Variants in VPS41 observed in about 807,000 individuals in gnomAD.
VPS41 encodes the protein vacuolar protein sorting-associated protein 41 homolog.
VPS41 carries 85 observed loss-of-function variants against 130.9 expected under a neutral mutation model. The observed-to-expected ratio is 0.65, with a 90% CI of 0.55 to 0.78. The LOEUF (loss-of-function observed/expected upper bound fraction) is 0.78, where lower values mean the gene tolerates loss of function less well. VPS41 is among the 30% of genes least tolerant of loss of function. The pLI is 0.00. For missense variants in VPS41, 874 were observed against 1,018.7 expected (o/e 0.86, Z 1.93); for synonymous variants, 335 against 332.9 (o/e 1.01, Z -0.07).
At chr7:38,755,447 T>G (rs950813422) in intron 19 of VPS41, among the ~76,000 whole-genome samples, 1 of 152,158 alleles carries the variant, frequency 6.6e-6, no homozygotes, top group Non-Finnish European at 1.5e-5. Context: ...CATAATGACA[T>G]AAAGCTTTTG....
chr7:38,759,360 G>A (rs748262965), intron 17 of VPS41, among the ~76,000 whole-genome samples: 2 of 152,180 alleles, frequency 1.3e-5, no homozygotes, highest in Admixed American at 1.3e-4. Flanking sequence ...TGTGTTGTGA[G>A]AGTATAGCAT....
intron 4 of VPS41, among the ~76,000 whole-genome samples, chr7:38,835,030 T>C (rs576657437): frequency 4.6e-4 from 70 of 152,158 alleles, no homozygotes; most frequent in African/African-American, 1.7e-3. Flanking sequence ...GGCTCTATTC[T>C]ATGAGTTTTA....
At chr7:38,851,601 G>A (rs1361970157) in intron 4 of VPS41, among the ~76,000 whole-genome samples, 4 of 152,130 alleles carry the variant, frequency 2.6e-5, no homozygotes, top group Non-Finnish European at 5.9e-5. Flanking sequence ...TCCAGTTTGG[G>A]ACTATTACAA....
chr7:38,751,219 G>T (rs1457205621), intron 22 of VPS41, among the ~76,000 whole-genome samples: 8 of 152,342 alleles, frequency 5.3e-5, no homozygotes, highest in African/African-American at 1.7e-4. Flanking sequence ...CACGGAAGTT[G>T]TAAGTGTACA....
At chr7:38,768,577 T>C (rs1460070868) in intron 14 of VPS41, among the ~76,000 whole-genome samples, 1 of 152,216 alleles carries the variant, frequency 6.6e-6, no homozygotes, top group Non-Finnish European at 1.5e-5. Flanking sequence ...ATTTTTACTT[T>C]AATAACTACT....
intron 4 of VPS41, among the ~76,000 whole-genome samples, chr7:38,850,803 T>C (rs1785837908): frequency 6.6e-6 from 1 of 152,138 alleles, no homozygotes; most frequent in Non-Finnish European, 1.5e-5. Context: ...AACAGCCTCA[T>C]TAGTAACCAG....
At position 38,814,528 on chromosome 7, in the gene VPS41, T is replaced by C. The variant is rs183244401; in HGVS notation, c.450+3289A>G. Among the ~76,000 whole-genome samples, 5 of 152,118 alleles carry C rather than the reference T, an allele frequency of 3.3e-5. 1 individual carries two copies. Among genetic ancestry groups the C allele is most frequent in the East Asian group, 1.9e-4 (1 of 5,158 alleles). On this transcript the variant is annotated intron_variant, in intron 7 of 28. Coordinates refer to ENST00000310301, the MANE Select transcript of VPS41 (RefSeq NM_014396.4). Reference sequence around the variant, plus strand: ...AGCCAGGCATGGTGGCAGGCGCCTGTAGTCCCAGCTACTCGGGAGGCTGAG... The same window carrying C: ...AGCCAGGCATGGTGGCAGGCGCCTGCAGTCCCAGCTACTCGGGAGGCTGAG...
intron 10 of VPS41, among the ~76,000 whole-genome samples, chr7:38,784,915 C>T (rs976101549): frequency 1.3e-5 from 2 of 152,150 alleles, no homozygotes; most frequent in Non-Finnish European, 2.9e-5. Flanking sequence ...TAAATGCTAC[C>T]CAGATTTCTT....
At chr7:38,783,469 G>A (rs965017428) in intron 10 of VPS41, among the ~76,000 whole-genome samples, 8 of 152,032 alleles carry the variant, frequency 5.3e-5, no homozygotes, top group African/African-American at 1.2e-4. Flanking sequence ...GGGAGGCAGC[G>A]ATTACAGTGA....
intron 10 of VPS41, among the ~76,000 whole-genome samples, chr7:38,782,091 G>A (rs1784364359): frequency 6.6e-6 from 1 of 152,160 alleles, no homozygotes; most frequent in Non-Finnish European, 1.5e-5. Flanking sequence ...CCTCCCTGGT[G>A]TTATCTGGAC....
At chr7:38,750,385 T>C (rs1262696016) in intron 22 of VPS41, among the ~76,000 whole-genome samples, 2 of 152,222 alleles carry the variant, frequency 1.3e-5, no homozygotes, top group Non-Finnish European at 2.9e-5. Flanking sequence ...CCTAAAAATA[T>C]GGATTACTAC....
In VPS41 at chr7:38,890,686, CT is replaced by C. The variant is rs771296526; in HGVS notation, c.60+7404del. The stretch of plus-strand genomic sequence containing the variant: ...ATTCAGAATATCTTTGCATTTTTCC[CT>C]TTTTTTTTTTCTTTTAGAGATAGGG... On this transcript the variant is annotated intron_variant, in intron 2 of 28. Transcript: ENST00000310301. 4.4e-3 allele frequency among the ~76,000 whole-genome samples: 645 copies of C among 147,166 alleles called. 5 individuals are homozygous for C. Among genetic ancestry groups the C allele is most frequent in the African/African-American group, 0.014 (577 of 40,332 alleles).
At chr7:38,907,265 G>A (rs1482520088) in intron 1 of VPS41, among the ~76,000 whole-genome samples, 2 of 152,184 alleles carry the variant, frequency 1.3e-5, no homozygotes, top group Non-Finnish European at 2.9e-5. Flanking sequence ...GGAACAGCAT[G>A]AGCAAAGAGG....
chr7:38,764,459 A>C (rs1783988898), intron 16 of VPS41, among the ~76,000 whole-genome samples: 2 of 152,096 alleles, frequency 1.3e-5, no homozygotes, highest in South Asian at 4.1e-4. Context: ...GCAGGAGGGA[A>C]GCAACAGGTA....
chr7:38,834,783 AT>A (rs538623977), intron 4 of VPS41, among the ~76,000 whole-genome samples: 1 of 151,072 alleles, frequency 6.6e-6, no homozygotes, highest in Non-Finnish European at 1.5e-5. Context: ...TTTTTTTTTC[AT>A]TTTTTTTCCA....
At chr7:38,763,898 T>C (rs936420310) in intron 16 of VPS41, among the ~76,000 whole-genome samples, 1 of 152,196 alleles carries the variant, frequency 6.6e-6, no homozygotes, top group African/African-American at 2.4e-5. Context: ...AGGTAATCTA[T>C]TCATCTTTCC....
At chr7:38,748,165 G>GA (rs1462333498) in intron 22 of VPS41, among the ~76,000 whole-genome samples, 1 of 152,198 alleles carries the variant, frequency 6.6e-6, no homozygotes, top group Non-Finnish European at 1.5e-5. Flanking sequence ...CCCTCTAGAG[G>GA]AAACAGTAGG....
chr7:38,890,842 T>G lies in VPS41; in HGVS notation c.60+7249A>C, dbSNP rs118009544. Among the ~76,000 whole-genome samples the G allele has an allele frequency of 4.6e-5, 7 of 152,138 alleles. No homozygotes were observed. The East Asian group carries it at 1.4e-3, about 29-fold the overall frequency. The stretch of plus-strand genomic sequence containing the variant: ...CCATGTCTACAGGCAAGCTCCATCA[T>G]GCCTAGTCAATTTTTAAATTTTTTG... On this transcript the variant is annotated intron_variant, in intron 2 of 28. Coordinates refer to ENST00000310301, the MANE Select transcript of VPS41 (RefSeq NM_014396.4).
intron 9 of VPS41, among the ~76,000 whole-genome samples, chr7:38,790,916 G>C (rs1252844674): frequency 1.3e-5 from 2 of 152,126 alleles, no homozygotes; most frequent in African/African-American, 4.8e-5. Context: ...GTTTACTTAG[G>C]ATAAATTCCT....
Sources: gnomAD v4.1 joint callset for allele counts (sites outside exome capture counted in the v4.1 genomes callset) on GRCh38, gnomAD v4.1.1 for gene constraint, MANE v1.5 for transcripts, NCBI Gene and HGNC (gene_info 2026-07-23, HGNC 2026-07-21) for gene names.